The following RBFOX1 variants were observed in gnomAD, a reference collection of about 807,000 sequenced individuals.
RBFOX1 encodes RNA binding fox-1 homolog 1.
Under a neutral mutation model 57.7 loss-of-function variants are expected in RBFOX1, and 8 were observed. The ratio of observed to expected loss-of-function variants is 0.14; its 90% CI spans 0.08 to 0.25. RBFOX1 has a LOEUF of 0.25. Among genes scored for constraint, RBFOX1 ranks in the 10% least tolerant of loss-of-function variants. The pLI is 1.00. For missense variants in RBFOX1, 611 were observed against 548.5 expected (o/e 1.11, Z -1.14); for synonymous variants, 326 against 222.4 (o/e 1.47, Z -4.15).
chr16:6,003,209 G>T (rs1483777018), intron 4 of RBFOX1, among the ~76,000 whole-genome samples: 1 of 151,736 alleles, frequency 6.6e-6, no homozygotes, highest in Non-Finnish European at 1.5e-5. Flanking sequence ...AAACTGGGAG[G>T]CGGAGCTTCC....
At chr16:7,193,177 G>C (rs111800992) in intron 4 of RBFOX1, among the ~76,000 whole-genome samples, 76 of 152,288 alleles carry the variant, frequency 5.0e-4, no homozygotes, top group African/African-American at 1.8e-3. Context: ...GATTACATAG[G>C]GTTGTTATAA....
At chr16:6,438,086 T>G (rs188017787) in intron 2 of RBFOX1, among the ~76,000 whole-genome samples, 113 of 152,298 alleles carry the variant, frequency 7.4e-4, no homozygotes, top group African/African-American at 2.5e-3. Flanking sequence ...GAGTTTGTAT[T>G]TCTACTGATG....
intron 2 of RBFOX1, among the ~76,000 whole-genome samples, chr16:5,587,992 G>C (rs1336453372): frequency 1.3e-5 from 2 of 152,088 alleles, no homozygotes; most frequent in East Asian, 3.9e-4. Context: ...AAAAACAAAG[G>C]TGGTCTCTCT....
intron 3 of RBFOX1, among the ~76,000 whole-genome samples, chr16:6,856,659 ATTCCTGTATTC>A (rs1019541681): frequency 2.6e-5 from 4 of 152,178 alleles, no homozygotes; most frequent in Admixed American, 2.6e-4. Flanking sequence ...ATATTTATAT[ATTCCTGTATTC>A]TTCAAGATGT....
intron 2 of RBFOX1, among the ~76,000 whole-genome samples, chr16:5,562,563 C>T (rs894306358): frequency 6.6e-6 from 1 of 152,012 alleles, no homozygotes; most frequent in Admixed American, 6.6e-5. Context: ...CAGAGGATTA[C>T]CCACTATGGC....
intron 3 of RBFOX1, among the ~76,000 whole-genome samples, chr16:5,865,955 T>G (rs556172261): frequency 6.6e-6 from 1 of 152,082 alleles, no homozygotes; most frequent in South Asian, 2.1e-4. Flanking sequence ...AGTTCTCTGC[T>G]CTCTCTCCTC....
intron 3 of RBFOX1, among the ~76,000 whole-genome samples, chr16:6,816,599 G>A (rs2090120570): frequency 6.6e-6 from 1 of 151,674 alleles, no homozygotes; most frequent in Non-Finnish European, 1.5e-5. Context: ...AATTAGCCAG[G>A]CGTGGTGGCG....
intron 2 of RBFOX1, among the ~76,000 whole-genome samples, chr16:6,388,133 A>T (rs1328050100): frequency 6.6e-6 from 1 of 151,366 alleles, no homozygotes; most frequent in South Asian, 2.1e-4. Flanking sequence ...GTGCATGCTA[A>T]TTTTTTGTAT....
rs530451973 is a variant in RBFOX1 at position 6,846,266 on chromosome 16, G to A, written c.-16+191616G>A. Among the ~76,000 whole-genome samples the A allele has an allele frequency of 1.1e-4, 16 of 152,222 alleles. No homozygotes were observed. In the East Asian group the frequency reaches 1.2e-3, roughly 11 times the overall value. On this transcript the variant is annotated intron_variant, in intron 3 of 15. Coordinates refer to ENST00000550418, the MANE Select transcript of RBFOX1 (RefSeq NM_018723.4). Reference sequence around the variant, plus strand: ...GCTTCACCTCCTATTACGTGAATTGGCCCGAAGATCCCCAATTCCGTGTCA... The same window carrying A: ...GCTTCACCTCCTATTACGTGAATTGACCCGAAGATCCCCAATTCCGTGTCA...
chr16:7,009,703 C>A (rs908123207), intron 3 of RBFOX1, among the ~76,000 whole-genome samples: 1 of 152,162 alleles, frequency 6.6e-6, no homozygotes, highest in African/African-American at 2.4e-5. Context: ...GAGCAGGCAG[C>A]AGTTGAGCCA....
intron 4 of RBFOX1, among the ~76,000 whole-genome samples, chr16:5,871,552 C>T (rs141317623): frequency 8.9e-4 from 135 of 152,268 alleles, no homozygotes; most frequent in African/African-American, 3.1e-3. Context: ...TATCGTCACG[C>T]AGCTTGCCCT....
Position 6,910,867 on chromosome 16 carries a change from G to C in RBFOX1, c.-15-141190G>C, listed in dbSNP as rs565760623. Among the ~76,000 whole-genome samples, 8 of 152,266 alleles carry C rather than the reference G, an allele frequency of 5.3e-5. No homozygotes were observed. In the South Asian group the frequency reaches 1.0e-3, roughly 20 times the overall value. ...AGAAGAATGCCTCCATTTCATGCTG[G>C]TCTTTATACCTTTGCCTTCCTTGCT... On this transcript the variant is annotated intron_variant, in intron 3 of 15. Transcript: ENST00000550418.
At chr16:6,584,238 G>C (rs2097574932) in intron 2 of RBFOX1, among the ~76,000 whole-genome samples, 1 of 151,622 alleles carries the variant, frequency 6.6e-6, no homozygotes, top group East Asian at 1.9e-4. Flanking sequence ...GCCCATCAAA[G>C]GTAGTACTCT....
rs1029058234 is a variant in RBFOX1, at chr16:5,251,895, TA to T, written c.219+11801del. Among the ~76,000 whole-genome samples, 295 of 146,340 alleles carry T rather than the reference TA, an allele frequency of 2.0e-3. 1 individual carries two copies. The highest frequency in any genetic ancestry group is 5.1e-3 in the African/African-American group (206 of 40,096). On this transcript the variant is annotated intron_variant, in intron 1 of 2. Coordinates refer to the RBFOX1 transcript ENST00000585867. ...AATTAAATGGAATTAACTTCAAGTTTAAAAAAAAAAAGAAGAAGTGGGGCTC... is the reference window on the plus strand; with the variant it reads ...AATTAAATGGAATTAACTTCAAGTTTAAAAAAAAAAGAAGAAGTGGGGCTC...
At chr16:6,610,911 C>T (rs1020868913) in intron 2 of RBFOX1, among the ~76,000 whole-genome samples, 2 of 152,182 alleles carry the variant, frequency 1.3e-5, no homozygotes, top group African/African-American at 4.8e-5. Flanking sequence ...GATAACATAT[C>T]TTAATATATA....
At chr16:5,761,337 A>G (rs925165026) in intron 3 of RBFOX1, among the ~76,000 whole-genome samples, 1 of 152,218 alleles carries the variant, frequency 6.6e-6, no homozygotes, top group Non-Finnish European at 1.5e-5. Flanking sequence ...CTGCAAAGAG[A>G]TAGATCTGGC....
intron 4 of RBFOX1, among the ~76,000 whole-genome samples, chr16:5,884,801 C>T (rs925907860): frequency 6.6e-6 from 1 of 151,970 alleles, no homozygotes; most frequent in South Asian, 2.1e-4. Context: ...TGAGTGAGGT[C>T]CAGAAGGTGC....
chr16:5,948,945 C>T (rs556996830), intron 4 of RBFOX1, among the ~76,000 whole-genome samples: 7 of 152,256 alleles, frequency 4.6e-5, no homozygotes, highest in East Asian at 1.9e-4. Context: ...TCAATGATTT[C>T]GTATTATTTT....
chr16:6,532,983 C>T lies in RBFOX1; in HGVS notation c.-63-121620C>T, dbSNP rs139667479. 2.2e-4 allele frequency among the ~76,000 whole-genome samples: 34 copies of T among 152,282 alleles called. No homozygotes were observed. The East Asian group carries it at 6.6e-3, about 30-fold the overall frequency. ...GTGTCCCTGTGGAACATTGTGATTACTCGAAGTTGTCCTAGCTACTTGGGA... is the reference window on the plus strand; with the variant it reads ...GTGTCCCTGTGGAACATTGTGATTATTCGAAGTTGTCCTAGCTACTTGGGA... On this transcript the variant is annotated intron_variant, in intron 2 of 15. Coordinates refer to ENST00000550418, the MANE Select transcript of RBFOX1 (RefSeq NM_018723.4).
Sources: allele counts gnomAD v4.1 joint callset (sites outside exome capture counted in the v4.1 genomes callset), GRCh38; gene constraint gnomAD v4.1.1; transcripts MANE v1.5; gene names NCBI Gene and HGNC (gene_info 2026-07-23, HGNC 2026-07-21).